Variants in DNAJC6 observed in about 807,000 individuals in gnomAD.
DNAJC6 encodes auxilin.
DNAJC6 carries 34 observed loss-of-function variants against 110.0 expected under a neutral mutation model. The observed-to-expected ratio is 0.31, with a 90% confidence interval of 0.24 to 0.41. DNAJC6 has a LOEUF of 0.41. DNAJC6 is among the 10% of genes least tolerant of loss of function. DNAJC6 has a pLI of 1.00. For synonymous variants in DNAJC6, 406 were observed against 437.2 expected (o/e 0.93, Z 0.89); for missense variants, 1,031 against 1,207.8 (o/e 0.85, Z 2.17).
chr1:65,320,631 A>G (rs538029129), intron 1 of DNAJC6, among the ~76,000 whole-genome samples: 1 of 152,320 alleles, frequency 6.6e-6, no homozygotes, highest in South Asian at 2.1e-4. Context: ...GCTGCCTACT[A>G]TGTGCTGCCA....
In DNAJC6 at chr1:65,392,718, G is replaced by T. The variant is rs775924204; in HGVS notation, c.1756G>T (p.Gly586Trp). ...TNSELLSDLFGGGGAAGPTQA... is the reference protein window; with the variant it reads ...TNSELLSDLFWGGGAAGPTQA... ...TTCTGAACTACTGAGTGACCTGTTT[G>T]GGGGTGGAGGTGCAGCTGGTCCCAC... Residue 586 changes from glycine to tryptophan, a missense_variant, in exon 12 of 19, where the codon GGG becomes TGG. Coordinates refer to ENST00000371069, the MANE Select transcript of DNAJC6 (RefSeq NM_001256864.2). 6.2e-7 allele frequency: 1 copy of T among 1,612,744 alleles called. No homozygotes were observed.
At chr1:65,270,415 G>A (rs1464213458) in intron 1 of DNAJC6, among the ~76,000 whole-genome samples, 1 of 151,964 alleles carries the variant, frequency 6.6e-6, no homozygotes, top group Admixed American at 6.6e-5. Context: ...GTTTAAAAAT[G>A]ACTTGATTTT....
At chr1:65,407,780 C>T (rs932935993) in intron 16 of DNAJC6, among the ~76,000 whole-genome samples, 3 of 152,144 alleles carry the variant, frequency 2.0e-5, no homozygotes, top group Non-Finnish European at 4.4e-5. Context: ...AGTTTCAGAG[C>T]ACTTACATTT....
chr1:65,388,488 GCT>G, intron 9 of DNAJC6, 73 bp downstream of exon 9: 1 of 1,361,386 alleles, frequency 7.3e-7, no homozygotes, highest in South Asian at 1.2e-5. Flanking sequence ...ATGGCACCAG[GCT>G]GTAGCATACC....
intron 16 of DNAJC6, 75 bp from the exon 17 acceptor site, chr1:65,408,566 A>G: frequency 6.6e-7 from 1 of 1,515,078 alleles, no homozygotes; most frequent in Non-Finnish European, 8.9e-7. Context: ...TGAAGACTCC[A>G]GATGCTGTGA....
intron 1 of DNAJC6, among the ~76,000 whole-genome samples, chr1:65,339,303 G>A (rs1004157988): frequency 1.1e-4 from 17 of 152,146 alleles, no homozygotes; most frequent in East Asian, 1.9e-4. Flanking sequence ...GTACGAACCC[G>A]AATCTTGTCT....
chr1:65,406,356 A>G (rs1646076693), intron 16 of DNAJC6, among the ~76,000 whole-genome samples: 1 of 152,090 alleles, frequency 6.6e-6, no homozygotes, highest in African/African-American at 2.4e-5. Context: ...CCATTTTGTG[A>G]CCGTGGGCTC....
rs1557566254 is a variant in DNAJC6 at position 65,406,118 on chromosome 1, G to A, written c.2476G>A (p.Gly826Arg). 5.0e-6 allele frequency: 8 copies of A among 1,613,788 alleles called. No individual in the cohort carries two copies. Among genetic ancestry groups the A allele is most frequent in the South Asian group, 4.4e-5 (4 of 91,044 alleles). ...TGGGGGCCAGAACGAACGTGGGAAA[G>A]GATCAAGTAATTTGGGTAAGGATAA... Reference protein sequence around the residue: ...MPGGQNERGKGSSNLEGKQKA... With the variant: ...MPGGQNERGKRSSNLEGKQKA... The change falls in exon 16 of 19, where the codon GGA becomes AGA. Residue 826 changes from glycine to arginine, a missense_variant. Physicochemically the swap from Gly to Arg is moderately radical, Grantham distance 125. Transcript: ENST00000371069.
At chr1:65,389,516 A>G (rs372678776) in intron 10 of DNAJC6, 31 bp from the exon 11 acceptor site, 85 of 1,613,774 alleles carry the variant, frequency 5.3e-5, no homozygotes, top group Non-Finnish European at 6.6e-5. Context: ...CCTGTGTCTC[A>G]TTGATGCTAC....
rs1171238675 is a variant in DNAJC6, at chr1:65,413,033, G to C, written c.*8G>C. ...CAAAAGCCCTTATATTAATTTATGA[G>C]CTTTTCCATCTCTGCTGCAGACCTG... On this transcript the variant is annotated 3_prime_UTR_variant, in exon 19 of 19. Transcript: ENST00000371069. 6.2e-7 allele frequency: 1 copy of C among 1,612,392 alleles called. No individual in the cohort carries two copies.
Position 65,335,629 on chromosome 1 carries a change from G to T in DNAJC6, c.193+25691G>T, listed in dbSNP as rs183864748. Among the ~76,000 whole-genome samples, 14 of 152,282 alleles carry T rather than the reference G, an allele frequency of 9.2e-5. No individual in the cohort carries two copies. In the East Asian group the frequency reaches 2.5e-3, roughly 27 times the overall value. On this transcript the variant is annotated intron_variant, in intron 1 of 18. Transcript: ENST00000371069. ...GGCTCACTGGGGGAATAGTGGAATT[G>T]TAAGTGCAAAGGCCCTGAGGGAAGT...
chr1:65,389,352 C>T lies in DNAJC6; in HGVS notation c.1290C>T (p.Asp430=), dbSNP rs1553146763. The T allele has an allele frequency of 1.2e-6, 2 of 1,614,060 alleles. No individual in the cohort carries two copies. The highest frequency in any genetic ancestry group is 1.3e-5 in the African/African-American group (1 of 74,930). Residue 430 remains aspartate, a synonymous_variant, in exon 10 of 19, where the codon GAC becomes GAT. Coordinates refer to ENST00000371069, the MANE Select transcript of DNAJC6 (RefSeq NM_001256864.2). ...VELQPHDKVI[D]LTPPWEHYCT... ...TACAGCCCCATGACAAAGTAATAGA[C>T]TTAACTCCACCATGGGAACATTACT...
intron 15 of DNAJC6, 64 bp downstream of exon 15, chr1:65,401,944 A>C: frequency 2.5e-6 from 4 of 1,594,868 alleles, no homozygotes; most frequent in Non-Finnish European, 3.4e-6. Flanking sequence ...CTCAAATCTC[A>C]GTCTTTGGTG....
At chr1:65,309,967 T>G (rs1255029005) in intron 1 of DNAJC6, 29 bp downstream of exon 1, 1 of 1,375,420 alleles carries the variant, frequency 7.3e-7, no homozygotes, top group Non-Finnish European at 9.4e-7. Context: ...AGTGCAGCGC[T>G]GAGCCCCGCG....
intron 9 of DNAJC6, 123 bp from the exon 10 acceptor site, chr1:65,389,133 A>C (rs576978049): frequency 3.4e-6 from 3 of 875,814 alleles, no homozygotes; most frequent in Non-Finnish European, 5.3e-6. Context: ...GTTATGACTG[A>C]GTCTTTTTTA....
chr1:65,329,985 T>G (rs1645273128), intron 1 of DNAJC6, among the ~76,000 whole-genome samples: 1 of 152,190 alleles, frequency 6.6e-6, no homozygotes, highest in Admixed American at 6.5e-5. Flanking sequence ...CTAAAAGGGA[T>G]TTTTCTGGGT....
intron 1 of DNAJC6, among the ~76,000 whole-genome samples, chr1:65,313,978 T>C (rs1453748720): frequency 6.6e-6 from 1 of 152,192 alleles, no homozygotes. Flanking sequence ...ACTTTCAATA[T>C]TGAGCTGCTA....
intron 1 of DNAJC6, among the ~76,000 whole-genome samples, chr1:65,363,746 G>T (rs138748393): frequency 6.6e-6 from 1 of 152,032 alleles, no homozygotes; most frequent in East Asian, 1.9e-4. Flanking sequence ...CTCAAAACAC[G>T]CACAATAAAG....
rs749059442 is a variant in DNAJC6 at position 65,385,850 on chromosome 1, T to G, written c.939T>G (p.Asp313Glu). 1 of 1,613,886 alleles carries G rather than the reference T, an allele frequency of 6.2e-7. No homozygotes were observed. The highest frequency in any genetic ancestry group is 8.5e-7 in the Non-Finnish European group (1 of 1,179,826). Residue 313 changes from aspartate (D) to glutamate (E), a missense_variant, in exon 7 of 19, where the codon GAT (aspartate) becomes GAG (glutamate). Asp to Glu is a conservative substitution (Grantham distance 45, BLOSUM62 2). Coordinates refer to ENST00000371069, the MANE Select transcript of DNAJC6 (RefSeq NM_001256864.2). ...KQRNGCRPYC[D>E]VLIGETKIYS... Reference sequence around the variant, plus strand: ...GGAATGGATGTCGCCCTTACTGTGATGTACTCATTGGAGAAACCAAAATAT... The same window carrying G: ...GGAATGGATGTCGCCCTTACTGTGAGGTACTCATTGGAGAAACCAAAATAT...
Sources: gnomAD v4.1 joint callset for allele counts (sites outside exome capture counted in the v4.1 genomes callset) on GRCh38, gnomAD v4.1.1 for gene constraint, MANE v1.5 for transcripts, NCBI Gene and HGNC (gene_info 2026-07-23, HGNC 2026-07-21) for gene names.